The following AKT3 variants were observed in gnomAD, a reference collection of about 807,000 sequenced individuals.
AKT3 encodes the protein AKT serine/threonine kinase 3, also known as RAC-gamma serine/threonine-protein kinase.
A neutral mutation model predicts 65.3 loss-of-function variants in AKT3; 15 were observed. The ratio of observed to expected loss-of-function variants is 0.23; its 90% CI spans 0.15 to 0.35. AKT3 has a LOEUF of 0.35. Ranked by LOEUF, AKT3 falls within the 10% of genes least tolerant of loss-of-function variation. The pLI is 1.00. For missense variants in AKT3, 243 were observed against 576.5 expected, an observed-to-expected ratio of 0.42 and a Z score of 5.92; for synonymous variants, 206 against 183.8, an observed-to-expected ratio of 1.12 and a Z score of -0.98.
In AKT3 at chr1:243,517,801, A is replaced by G. The variant is rs78886646; in HGVS notation, c.1252-5375T>C. Among the ~76,000 whole-genome samples the G allele has an allele frequency of 1.6e-3, 242 of 152,344 alleles. 1 individual carries two copies. The highest frequency in any genetic ancestry group is 2.9e-3 in the Non-Finnish European group (199 of 68,028). Reference sequence around the variant, plus strand: ...TAGAACATTTACATTTAATGTGATTATTGATACGAGTAAGATTAAATTTAC... The same window carrying G: ...TAGAACATTTACATTTAATGTGATTGTTGATACGAGTAAGATTAAATTTAC... On this transcript the variant is annotated intron_variant, in intron 12 of 13. Coordinates refer to ENST00000673466, the MANE Select transcript of AKT3 (RefSeq NM_005465.7).
intron 12 of AKT3, among the ~76,000 whole-genome samples, chr1:243,533,510 A>G (rs944649914): frequency 6.6e-6 from 1 of 152,242 alleles, no homozygotes; most frequent in Non-Finnish European, 1.5e-5. Flanking sequence ...GACTTGAATT[A>G]GTTATAAGTG....
intron 6 of AKT3, among the ~76,000 whole-genome samples, chr1:243,627,717 C>A (rs1225036717): frequency 1.3e-5 from 2 of 152,216 alleles, no homozygotes; most frequent in Non-Finnish European, 2.9e-5. Context: ...TGGGCAGGAA[C>A]CACCCATAAC....
chr1:243,490,963 A>C (rs1466310227), intron 13 of AKT3, among the ~76,000 whole-genome samples: 1 of 152,218 alleles, frequency 6.6e-6, no homozygotes, highest in Admixed American at 6.5e-5. Flanking sequence ...GCAGGTGACT[A>C]GGCTCTTGTC....
intron 12 of AKT3, among the ~76,000 whole-genome samples, chr1:243,527,578 T>C (rs942925967): frequency 3.2e-4 from 49 of 152,280 alleles, no homozygotes; most frequent in African/African-American, 1.1e-3. Flanking sequence ...AGCTGGGCCC[T>C]CCAGCAATCG....
At chr1:243,729,508 G>C (rs188787539) in intron 2 of AKT3, among the ~76,000 whole-genome samples, 14 of 152,180 alleles carry the variant, frequency 9.2e-5, no homozygotes, top group Non-Finnish European at 2.9e-5. Flanking sequence ...AGATTATAAA[G>C]AGACATGAAA....
intron 7 of AKT3, among the ~76,000 whole-genome samples, chr1:243,614,860 A>G (rs1392228408): frequency 6.6e-6 from 1 of 152,174 alleles, no homozygotes; most frequent in African/African-American, 2.4e-5. Context: ...CAAGAGATTC[A>G]TGGGAGAAAA....
intron 2 of AKT3, among the ~76,000 whole-genome samples, chr1:243,709,079 T>A (rs1685986318): frequency 6.6e-6 from 1 of 151,874 alleles, no homozygotes; most frequent in Non-Finnish European, 1.5e-5. Context: ...TTTTCTAGCA[T>A]TCACTTATCA....
rs535860650 is a variant in AKT3 at position 243,634,032 on chromosome 1, C to A, written c.561+3579G>T. Among the ~76,000 whole-genome samples the A allele has an allele frequency of 1.7e-3, 256 of 152,144 alleles. 1 individual carries two copies. The highest frequency in any genetic ancestry group is 6.8e-3 in the Middle Eastern group (2 of 294). Reference sequence around the variant, plus strand: ...TAGTACCAAACTCTATAAAGTCATTCCTTGATATCCATGGGGGATTGGTTT... The same window carrying A: ...TAGTACCAAACTCTATAAAGTCATTACTTGATATCCATGGGGGATTGGTTT... On this transcript the variant is annotated intron_variant, in intron 6 of 13. Coordinates refer to ENST00000673466, the MANE Select transcript of AKT3 (RefSeq NM_005465.7).
intron 13 of AKT3, among the ~76,000 whole-genome samples, chr1:243,492,295 CTTTTTTTTT>C (rs33950392): frequency 4.8e-5 from 3 of 63,130 alleles, no homozygotes; most frequent in African/African-American, 1.3e-4. Context: ...CGTTTCTTGG[CTTTTTTTTT>C]TTTTTTTTTT....
intron 4 of AKT3, among the ~76,000 whole-genome samples, chr1:243,648,331 A>T (rs1371856757): frequency 6.6e-6 from 1 of 152,122 alleles, no homozygotes; most frequent in Non-Finnish European, 1.5e-5. Context: ...CTATAAAATG[A>T]TCACACAGAT....
chr1:243,752,557 A>C (rs1047454725), intron 2 of AKT3, among the ~76,000 whole-genome samples: 7 of 152,232 alleles, frequency 4.6e-5, no homozygotes, highest in African/African-American at 1.4e-4. Flanking sequence ...TTTCTAAAAC[A>C]ACCTCATTTC....
intron 4 of AKT3, among the ~76,000 whole-genome samples, chr1:243,647,811 C>T (rs559074357): frequency 5.3e-5 from 8 of 152,328 alleles, no homozygotes; most frequent in Admixed American, 5.2e-4. Context: ...CAGCAGCATA[C>T]ATGCTTTGTT....
At chr1:243,783,761 A>G (rs1307509902) in intron 2 of AKT3, among the ~76,000 whole-genome samples, 3 of 152,186 alleles carry the variant, frequency 2.0e-5, no homozygotes, top group Non-Finnish European at 2.9e-5. Context: ...GTAAATAATA[A>G]CTTAGTCAAC....
intron 12 of AKT3, among the ~76,000 whole-genome samples, chr1:243,518,058 T>C (rs553018847): frequency 6.6e-6 from 1 of 152,320 alleles, no homozygotes; most frequent in African/African-American, 2.4e-5. Flanking sequence ...TTGCCAAAAA[T>C]TATACGAATA....
In AKT3 at chr1:243,725,498, C is replaced by T. The variant is rs569338269; in HGVS notation, c.47-29782G>A. Among the ~76,000 whole-genome samples the T allele has an allele frequency of 4.6e-5, 7 of 152,238 alleles. No homozygotes were observed. The South Asian group carries it at 1.0e-3, about 23-fold the overall frequency. On this transcript the variant is annotated intron_variant, in intron 2 of 13. Coordinates refer to ENST00000673466, the MANE Select transcript of AKT3 (RefSeq NM_005465.7). ...AATCTAGCAGAATAACAGAACAGAA[C>T]TCAGCCTTTTTTGTGTCTCTACTTC...
At chr1:243,679,525 G>T (rs570595171) in intron 3 of AKT3, among the ~76,000 whole-genome samples, 1 of 152,210 alleles carries the variant, frequency 6.6e-6, no homozygotes, top group South Asian at 2.1e-4. Flanking sequence ...AGTTCTGTAA[G>T]TGACAGATAA....
chr1:243,850,884 T>C (rs1695756686), upstream of AKT3, among the ~76,000 whole-genome samples: 1 of 151,998 alleles, frequency 6.6e-6, no homozygotes, highest in Non-Finnish European at 1.5e-5. Flanking sequence ...GCGTGGCCCT[T>C]GGCGGGCACC....
chr1:243,539,106 C>A (rs905129725), intron 12 of AKT3, among the ~76,000 whole-genome samples: 1 of 152,186 alleles, frequency 6.6e-6, no homozygotes, highest in South Asian at 2.1e-4. Flanking sequence ...GCAATAAAAG[C>A]AGAATACAGT....
At chr1:243,547,621 G>C (rs555907187) in intron 11 of AKT3, among the ~76,000 whole-genome samples, 3 of 152,000 alleles carry the variant, frequency 2.0e-5, no homozygotes, top group Admixed American at 6.6e-5. Context: ...TACTAAATAC[G>C]CATCAGTTTC....
Sources: allele counts gnomAD v4.1 joint callset (sites outside exome capture counted in the v4.1 genomes callset), GRCh38; gene constraint gnomAD v4.1.1; transcripts MANE v1.5; gene names NCBI Gene and HGNC (gene_info 2026-07-23, HGNC 2026-07-21).